Variants in SRRM4 observed in about 807,000 individuals in gnomAD.
The protein encoded by SRRM4 is serine/arginine repetitive matrix protein 4.
In SRRM4, 33 loss-of-function variants were observed where a neutral mutation model predicts 68.9. The ratio of observed to expected loss-of-function variants is 0.48; its 90% CI spans 0.36 to 0.64. SRRM4 has a LOEUF of 0.64. Among genes scored for constraint, SRRM4 ranks in the 30% least tolerant of loss-of-function variants. The pLI is 0.00. For synonymous variants in SRRM4, 318 were observed against 318.8 expected, an observed-to-expected ratio of 1.00 and a Z score of 0.03; for missense variants, 817 against 827.1, an observed-to-expected ratio of 0.99 and a Z score of 0.15.
In SRRM4 at chr12:119,117,835, C is replaced by T. The variant is rs141372918; in HGVS notation, c.437+827C>T. ...GCTGAGGCAGAAGAATCACTTGAAC[C>T]GGGGAGTCAGAGGTTGCAGTGAGCC... On this transcript the variant is annotated intron_variant, in intron 4 of 12. Transcript: ENST00000267260. 6.7e-4 allele frequency among the ~76,000 whole-genome samples: 102 copies of T among 152,160 alleles called. 1 individual carries two copies. The East Asian group carries it at 0.015, about 23-fold the overall frequency.
At chr12:119,149,798 AGGG>A (rs1048139467) in intron 9 of SRRM4, among the ~76,000 whole-genome samples, 7 of 152,138 alleles carry the variant, frequency 4.6e-5, no homozygotes, top group African/African-American at 1.4e-4. Flanking sequence ...CTGAGATTGG[AGGG>A]GTGAGCAGGT....
chr12:119,118,392 C>G (rs1429472124), intron 4 of SRRM4, among the ~76,000 whole-genome samples: 1 of 152,250 alleles, frequency 6.6e-6, no homozygotes, highest in African/African-American at 2.4e-5. Context: ...CCCTGCATCT[C>G]AAGTCCAGTT....
rs962989970 is a variant in SRRM4 at position 119,130,838 on chromosome 12, A to G, written c.771+4A>G. 6.2e-7 allele frequency: 1 copy of G among 1,601,252 alleles called. No individual in the cohort carries two copies. On this transcript the variant is annotated splice_donor_region_variant and intron_variant, in intron 8 of 12. Coordinates refer to ENST00000267260, the MANE Select transcript of SRRM4 (RefSeq NM_194286.4). ...CTACCTGTCAGCCAGGGGTGTAGTA[A>G]GTATTCTTCACAGCCTCCTCTGCCA...
In SRRM4 at chr12:119,158,979, G is replaced by T. The variant is rs1954491837; in HGVS notation, c.*2181G>T. On this transcript the variant is annotated 3_prime_UTR_variant, in exon 13 of 13. Transcript: ENST00000267260. ...TTATACAGAGGTTTTGTGTGTGTGT[G>T]TGTGTGTGTGTGTGTGTGTGTGTGT... is the stretch of plus-strand genomic sequence containing the variant. The T allele has an allele frequency of 4.2e-5, 4 of 94,596 alleles. No homozygotes were observed. In the South Asian group the frequency reaches 8.9e-4, roughly 21 times the overall value. The allele number at this position is 94,596 out of a possible 1,614,324, so 5.9% of individuals were successfully genotyped here.
intron 5 of SRRM4, among the ~76,000 whole-genome samples, chr12:119,121,709 G>A (rs965464900): frequency 6.6e-6 from 1 of 152,208 alleles, no homozygotes; most frequent in Admixed American, 6.5e-5. Context: ...CCCATAGGTT[G>A]TGGAGAGAAT....
chr12:119,154,116 G>A lies in SRRM4; in HGVS notation c.1392-127G>A, dbSNP rs758888756. ...TCATCCTCCCTCCGGTCTCCCTTGC[G>A]GCAACGTGCAGACCCCATCCCGTGA... On this transcript the variant is annotated intron_variant, in intron 11 of 12. Transcript: ENST00000267260. The surrounding 1 kb of genome is among the most constrained non-coding windows in gnomAD (Gnocchi z 4.7). 2 of 842,526 alleles carry A rather than the reference G, an allele frequency of 2.4e-6. No individual in the cohort carries two copies. The highest frequency in any genetic ancestry group is 2.7e-5 in the Admixed American group (1 of 37,416). 52.2% of individuals were successfully genotyped at this position (842,526 alleles called of 1,614,324 possible). A position where few individuals can be genotyped will look rare whatever the true frequency, so the allele number is the denominator to read the frequency against.
At chr12:119,069,411 C>T (rs2204497) in intron 1 of SRRM4, among the ~76,000 whole-genome samples, 86,255 of 152,080 alleles carry the variant, frequency 0.57, 25,511 homozygotes, top group Middle Eastern at 0.74. Context: ...TGTGGACACA[C>T]GTTGGGAGGC....
intron 1 of SRRM4, among the ~76,000 whole-genome samples, chr12:119,022,577 A>G (rs1953523055): frequency 6.6e-6 from 1 of 152,234 alleles, no homozygotes; most frequent in Admixed American, 6.5e-5. Context: ...TTTACTAGAC[A>G]TAGATTTCAT....
At chr12:119,128,500 C>T (rs554058829) in intron 7 of SRRM4, among the ~76,000 whole-genome samples, 6 of 152,280 alleles carry the variant, frequency 3.9e-5, no homozygotes, top group South Asian at 2.1e-4. Flanking sequence ...CTTACAGAGA[C>T]GCCTGAAACT....
At chr12:119,055,217 A>G (rs1247080557) in intron 1 of SRRM4, among the ~76,000 whole-genome samples, 2 of 152,160 alleles carry the variant, frequency 1.3e-5, no homozygotes, top group African/African-American at 4.8e-5. Flanking sequence ...AACAGACTGG[A>G]GTTTCGTCAC....
At chr12:118,982,048 A>G (rs1270067947) in intron 1 of SRRM4, 35 bp downstream of exon 1, 1 of 1,585,494 alleles carries the variant, frequency 6.3e-7, no homozygotes, top group Non-Finnish European at 8.6e-7. Context: ...GGGATCCTGA[A>G]GGTCCTCCTT....
chr12:119,103,785 T>C (rs1049672055), intron 2 of SRRM4, among the ~76,000 whole-genome samples: 10 of 152,146 alleles, frequency 6.6e-5, no homozygotes, highest in African/African-American at 2.4e-4. Flanking sequence ...GGAGGATCAC[T>C]TGAGGTCAGG....
intron 8 of SRRM4, among the ~76,000 whole-genome samples, chr12:119,137,390 C>A (rs1046016255): frequency 2.6e-5 from 4 of 152,022 alleles, no homozygotes; most frequent in African/African-American, 9.7e-5. Context: ...CCTTTTTTCC[C>A]CGTTCTTGAT....
chr12:119,017,587 G>C (rs569155422), intron 1 of SRRM4, among the ~76,000 whole-genome samples: 1 of 152,168 alleles, frequency 6.6e-6, no homozygotes, highest in Non-Finnish European at 1.5e-5. Flanking sequence ...GGGAGGAGAC[G>C]TGGGTGGTGT....
intron 2 of SRRM4, among the ~76,000 whole-genome samples, chr12:119,110,957 C>A (rs1954139393): frequency 6.6e-6 from 1 of 152,192 alleles, no homozygotes; most frequent in Non-Finnish European, 1.5e-5. Context: ...TTGGAACCTC[C>A]TCACCACTGC....
chr12:119,091,802 G>C (rs1436326816), intron 1 of SRRM4, among the ~76,000 whole-genome samples: 1 of 152,090 alleles, frequency 6.6e-6, no homozygotes, highest in Non-Finnish European at 1.5e-5. Context: ...TGTATCCTCT[G>C]AGCACACATG....
chr12:119,061,411 G>A (rs889709502), intron 1 of SRRM4, among the ~76,000 whole-genome samples: 3 of 152,246 alleles, frequency 2.0e-5, no homozygotes, highest in South Asian at 2.1e-4. Context: ...TTCAGCACCA[G>A]GGACAGCGAC....
rs1386880583 is a variant in SRRM4 at position 119,158,570 on chromosome 12, A to C, written c.*1772A>C. On this transcript the variant is annotated 3_prime_UTR_variant, in exon 13 of 13. Coordinates refer to ENST00000267260, the MANE Select transcript of SRRM4 (RefSeq NM_194286.4). ...CATACCGGGCCTCTGGCCCAGACCT[A>C]AGCCCTGCCCACAAAGACTAATGGA... The C allele has an allele frequency of 6.6e-6, 1 of 152,332 alleles. No homozygotes were observed. The highest frequency in any genetic ancestry group is 1.5e-5 in the Non-Finnish European group (1 of 68,134). 9.4% of individuals were successfully genotyped at this position (152,332 alleles called of 1,614,324 possible). A position where few individuals can be genotyped will look rare whatever the true frequency, so the allele number is the denominator to read the frequency against.
At chr12:119,115,185 G>A (rs73213755) in intron 3 of SRRM4, among the ~76,000 whole-genome samples, 1 of 151,980 alleles carries the variant, frequency 6.6e-6, no homozygotes, top group African/African-American at 2.4e-5. Context: ...TTGGTTCTAC[G>A]ACGCCCACCT....
Sources: allele counts gnomAD v4.1 joint callset (sites outside exome capture counted in the v4.1 genomes callset), GRCh38; gene constraint gnomAD v4.1.1; non-coding constraint Gnocchi (gnomAD v3.1); transcripts MANE v1.5; gene names NCBI Gene and HGNC (gene_info 2026-07-23, HGNC 2026-07-21).